The following CSF2RA variants were observed in gnomAD, a reference collection of about 807,000 sequenced individuals.
The protein encoded by CSF2RA is granulocyte-macrophage colony-stimulating factor receptor subunit alpha.
A neutral mutation model predicts 51.6 loss-of-function variants in CSF2RA; 42 were observed. The observed-to-expected ratio is 0.81, with a 90% CI of 0.64 to 1.05. The LOEUF (loss-of-function observed/expected upper bound fraction) is 1.05, where lower values mean the gene tolerates loss of function less well. Ranked by LOEUF, CSF2RA falls within the 50% of genes least tolerant of loss-of-function variation. The pLI, the probability that CSF2RA is intolerant of heterozygous loss-of-function variation, is 0.00. For synonymous variants in CSF2RA, 222 were observed against 193.0 expected, an observed-to-expected ratio of 1.15 and a Z score of -1.24; for missense variants, 530 against 501.1, an observed-to-expected ratio of 1.06 and a Z score of -0.55.
intron 8 of CSF2RA, among the ~76,000 whole-genome samples, chrX:1,295,186 G>GAGGAGACCCTGCCCCACCC (rs2091826579): frequency 6.6e-6 from 1 of 152,040 alleles, no homozygotes; most frequent in African/African-American, 2.4e-5. Flanking sequence ...CTGCCCCAAG[G>GAGGAGACCCTGCCCCACCC]CCAGTGGGAC....
chrX:1,299,133 G>C (rs1207514963), intron 9 of CSF2RA, among the ~76,000 whole-genome samples: 1 of 152,158 alleles, frequency 6.6e-6, no homozygotes, highest in Admixed American at 6.6e-5. Flanking sequence ...TGTCCCAATG[G>C]TTGGAATATT....
At chrX:1,276,013 T>A (rs1431285672) in intron 2 of CSF2RA, among the ~76,000 whole-genome samples, 1 of 151,388 alleles carries the variant, frequency 6.6e-6, no homozygotes, top group Non-Finnish European at 1.5e-5. Flanking sequence ...ATTTGTTTTA[T>A]TTTTTGTGAC....
At chrX:1,313,175 G>A (rs2084258199), downstream of CSF2RA, among the ~76,000 whole-genome samples, 1 of 152,138 alleles carries the variant, frequency 6.6e-6, no homozygotes, top group Non-Finnish European at 1.5e-5. Flanking sequence ...TATAATCCCA[G>A]CGCTTTGCCA....
chrX:1,303,491 C>A (rs1202361360), intron 10 of CSF2RA: 3 of 455,976 alleles, frequency 6.6e-6, no homozygotes, highest in Non-Finnish European at 1.2e-5. Context: ...GCGCCCGCCT[C>A]GGCCTCCCAA....
At chrX:1,323,800 G>A in the CSF2RA span, among the ~76,000 whole-genome samples, 2 of 151,504 alleles carry the variant, frequency 1.3e-5, no homozygotes, top group South Asian at 4.2e-4. Flanking sequence ...AGATCATGAG[G>A]TCAGGAGATC....
intron 6 of CSF2RA, among the ~76,000 whole-genome samples, chrX:1,289,471 T>G (rs2091123739): frequency 6.6e-6 from 1 of 151,860 alleles, no homozygotes; most frequent in African/African-American, 2.4e-5. Flanking sequence ...TTTGTTTTGT[T>G]TTGTGTTTCT....
rs1241313114 is a variant in CSF2RA, at chrX:1,292,180, C to T, written c.646+1671C>T. ...CAGTGTAGACAGGAGGAGACTGCACCACCTCCACCTGGACCCAGTGTAGAC... is the reference window on the plus strand; with the variant it reads ...CAGTGTAGACAGGAGGAGACTGCACTACCTCCACCTGGACCCAGTGTAGAC... On this transcript the variant is annotated intron_variant, in intron 7 of 12. Transcript: ENST00000381529. 2.6e-5 allele frequency among the ~76,000 whole-genome samples: 4 copies of T among 152,122 alleles called. No homozygotes were observed. The East Asian group carries it at 5.8e-4, about 22-fold the overall frequency.
chrX:1,275,873 A>T (rs2089126526), intron 2 of CSF2RA, among the ~76,000 whole-genome samples: 1 of 148,406 alleles, frequency 6.7e-6, no homozygotes, highest in South Asian at 2.2e-4. Flanking sequence ...TTGTATTTTT[A>T]GTAGCGACGG....
the CSF2RA span, among the ~76,000 whole-genome samples, chrX:1,323,672 C>G: frequency 6.6e-6 from 1 of 151,850 alleles, no homozygotes; most frequent in Non-Finnish European, 1.5e-5. Flanking sequence ...TCTCTTGAAT[C>G]CAGCAGTTTG....
chrX:1,283,465 CCTCCCTCCCTCT>C (rs1258747424), intron 3 of CSF2RA, among the ~76,000 whole-genome samples: 1 of 132,262 alleles, frequency 7.6e-6, no homozygotes, highest in Non-Finnish European at 1.7e-5. Context: ...TCCTTCCCTC[CCTCCCTCCCTCT>C]CTCTCTCTCT....
chrX:1,284,916 C>G (rs1183105746), intron 3 of CSF2RA, among the ~76,000 whole-genome samples: 2 of 152,046 alleles, frequency 1.3e-5, no homozygotes, highest in East Asian at 3.9e-4. Context: ...ATCCGCCCAC[C>G]TCAGCCTACC....
intron 1 of CSF2RA, among the ~76,000 whole-genome samples, chrX:1,270,639 C>T (rs28715450): frequency 0.19 from 28,792 of 151,566 alleles, 3,192 homozygotes; most frequent in East Asian, 0.3. Context: ...GTTCAGTCCT[C>T]GGTCTGTTTA....
At chrX:1,289,797 TTG>T (rs1365377526) in intron 6 of CSF2RA, among the ~76,000 whole-genome samples, 3 of 144,552 alleles carry the variant, frequency 2.1e-5, no homozygotes, top group East Asian at 2.0e-4. Flanking sequence ...TTGTTTTGTT[TTG>T]TGTTTTTGTG....
intron 2 of CSF2RA, among the ~76,000 whole-genome samples, chrX:1,275,639 A>C (rs1249142037): frequency 6.6e-6 from 1 of 151,258 alleles, no homozygotes; most frequent in African/African-American, 2.4e-5. Flanking sequence ...GCTCACTGCA[A>C]CCTCCGCCTC....
At chrX:1,283,537 CTCTTTCTTCTT>C (rs1352631417) in intron 3 of CSF2RA, among the ~76,000 whole-genome samples, 4 of 135,980 alleles carry the variant, frequency 2.9e-5, no homozygotes, top group Admixed American at 8.2e-5. Context: ...TTCTTTCTTC[CTCTTTCTTCTT>C]TCTTTCTTTC....
intron 3 of CSF2RA, among the ~76,000 whole-genome samples, chrX:1,283,412 C>A (rs1461196616): frequency 1.8e-4 from 27 of 149,330 alleles, no homozygotes; most frequent in African/African-American, 6.2e-4. Context: ...TTCCCTCCTT[C>A]CCTCTCTCTC....
At chrX:1,300,376 A>G in intron 9 of CSF2RA, 115 bp from the exon 10 acceptor site, 1 of 1,323,416 alleles carries the variant, frequency 7.6e-7, no homozygotes, top group Non-Finnish European at 1.1e-6. Context: ...AAAAAAAAGA[A>G]GAAAAAGAAA....
At chrX:1,277,093 C>T (rs2089279418) in intron 2 of CSF2RA, among the ~76,000 whole-genome samples, 3 of 148,836 alleles carry the variant, frequency 2.0e-5, no homozygotes, top group South Asian at 4.3e-4. Context: ...AGCGAGGCTC[C>T]GTCTCTAAAT....
intron 1 of CSF2RA, among the ~76,000 whole-genome samples, chrX:1,269,645 AAGAGATGAAAAG>A (rs1282069939): frequency 6.0e-5 from 2 of 33,526 alleles, no homozygotes; most frequent in African/African-American, 1.0e-4. Flanking sequence ...AAGAAAAAAA[AAGAGATGAAAAG>A]AGATGAACGC....
Sources: gnomAD v4.1 joint callset for allele counts (sites outside exome capture counted in the v4.1 genomes callset) on GRCh38, gnomAD v4.1.1 for gene constraint, MANE v1.5 for transcripts, NCBI Gene and HGNC (gene_info 2026-07-23, HGNC 2026-07-21) for gene names.